TAMALIN: variants seen among roughly 807,000 people sequenced by gnomAD.
TAMALIN encodes the protein protein TAMALIN.
Under a neutral mutation model 38.5 loss-of-function variants are expected in TAMALIN, and 9 were observed. The ratio of observed to expected loss-of-function variants is 0.23; its 90% CI spans 0.14 to 0.41. TAMALIN has a LOEUF of 0.41. TAMALIN is among the 10% of genes least tolerant of loss of function. The probability of loss-of-function intolerance (pLI) is 1.00; values close to 1 mark genes in which losing one functional copy is unlikely to be tolerated. For missense variants in TAMALIN, 548 were observed against 554.1 expected, an observed-to-expected ratio of 0.99 and a Z score of 0.11; for synonymous variants, 306 against 256.5, an observed-to-expected ratio of 1.19 and a Z score of -1.85.
In TAMALIN at chr12:52,011,403, C is replaced by T. The variant is rs1565630979; in HGVS notation, c.454+262C>T. 4 of 609,894 alleles carry T rather than the reference C, an allele frequency of 6.6e-6. No homozygotes were observed. The highest frequency in any genetic ancestry group is 1.2e-5 in the Non-Finnish European group (4 of 342,834). 37.8% of individuals were successfully genotyped at this position (609,894 alleles called of 1,614,324 possible). ...GTGCGGCAAGGGGATTCCCTGGGCACACTGCCAGGGCCTAATTAATGGTGG... is the reference window on the plus strand; with the variant it reads ...GTGCGGCAAGGGGATTCCCTGGGCATACTGCCAGGGCCTAATTAATGGTGG... On this transcript the variant is annotated intron_variant, in intron 4 of 7. Transcript: ENST00000293662. The surrounding 1 kb of genome is among the most constrained non-coding windows in gnomAD (Gnocchi z 5.3).
Position 52,007,825 on chromosome 12 carries a change from G to A in TAMALIN, c.246+560G>A. 1.0e-6 allele frequency: 1 copy of A among 985,438 alleles called. No individual in the cohort carries two copies. The highest frequency in any genetic ancestry group is 1.7e-5 in the African/African-American group (1 of 57,378). The allele number at this position is 985,438 out of a possible 1,614,324, so 61.0% of individuals were successfully genotyped here. A position where few individuals can be genotyped will look rare whatever the true frequency, so the allele number is the denominator to read the frequency against. ...CCCACGTCTGACGTACGGGGCGCGA[G>A]GGCCACTGCTCCCTGGACTTCTGTC... On this transcript the variant is annotated intron_variant, in intron 1 of 7. Coordinates refer to ENST00000293662, the MANE Select transcript of TAMALIN (RefSeq NM_181711.4). This position sits in a 1 kb window ranked among gnomAD's most constrained non-coding sequence, Gnocchi z 6.7.
chr12:52,011,099 G>A lies in TAMALIN; in HGVS notation c.412G>A (p.Val138Ile). 6.2e-7 allele frequency: 1 copy of A among 1,613,028 alleles called. No homozygotes were observed. The highest frequency in any genetic ancestry group is 8.5e-7 in the Non-Finnish European group (1 of 1,180,008). Residue 138 changes from valine to isoleucine, a missense_variant, in exon 4 of 8, where the codon GTT becomes ATT. This residue lies in a region of TAMALIN where 415 missense variants were observed against 417.0 expected (regional missense o/e 1.00). Transcript: ENST00000293662. This position sits in a 1 kb window ranked among gnomAD's most constrained non-coding sequence, Gnocchi z 5.3. ...GGAAATGGTGACCTTTGTCTGCCGAGTTCATGAGTCTAGCCCTGCCCAGCT... is the reference window on the plus strand; with the variant it reads ...GGAAATGGTGACCTTTGTCTGCCGAATTCATGAGTCTAGCCCTGCCCAGCT... ...RVEMVTFVCR[V>I]HESSPAQLAG...
rs1241073986 is a variant in TAMALIN at position 52,007,786 on chromosome 12, GCC to G, written c.246+522_246+523del. 1.0e-6 allele frequency: 1 copy of G among 985,306 alleles called. No homozygotes were observed. Among genetic ancestry groups the G allele is most frequent in the Non-Finnish European group, 1.2e-6 (1 of 829,928 alleles). The allele number at this position is 985,306 out of a possible 1,614,324, so 61.0% of individuals were successfully genotyped here. A position where few individuals can be genotyped will look rare whatever the true frequency, so the allele number is the denominator to read the frequency against. Reference sequence around the variant, plus strand: ...GGACTCCCCGATTCCTGGGCTGGGGGCCTGCCGCCTGGCCCCACGTCTGACGT... The same window carrying G: ...GGACTCCCCGATTCCTGGGCTGGGGGTGCCGCCTGGCCCCACGTCTGACGT... On this transcript the variant is annotated intron_variant, in intron 1 of 7. Coordinates refer to ENST00000293662, the MANE Select transcript of TAMALIN (RefSeq NM_181711.4). The surrounding 1 kb of genome is among the most constrained non-coding windows in gnomAD (Gnocchi z 6.7).
intron 2 of TAMALIN, chr12:52,010,615 A>C: frequency 1.7e-6 from 2 of 1,187,662 alleles, no homozygotes; most frequent in South Asian, 3.2e-5. Context: ...TAAAAAACTC[A>C]GCCGGCTCAT....
chr12:52,010,341 T>G (rs1447452036), intron 2 of TAMALIN, among the ~76,000 whole-genome samples: 1 of 152,126 alleles, frequency 6.6e-6, no homozygotes. Flanking sequence ...TCCAGACCAT[T>G]GTGTCCAGCG....
rs370998187 is a variant in TAMALIN, at chr12:52,011,134, C to T, written c.447C>T (p.Leu149=). ...HESSPAQLAG[L]TPGDTIASVN... is the part of the protein sequence containing the mutation. ...CTAGCCCTGCCCAGCTGGCTGGGCTCACACCAGGTGGGGCCTGAGCCCAGG... is the reference window on the plus strand; with the variant it reads ...CTAGCCCTGCCCAGCTGGCTGGGCTTACACCAGGTGGGGCCTGAGCCCAGG... Residue 149 remains leucine, a synonymous_variant, in exon 4 of 8, where the codon CTC becomes CTT. Transcript: ENST00000293662. The surrounding 1 kb of genome is among the most constrained non-coding windows in gnomAD (Gnocchi z 5.3). The T allele has an allele frequency of 6.2e-7, 1 of 1,611,622 alleles. No individual in the cohort carries two copies. The highest frequency in any genetic ancestry group is 1.3e-5 in the African/African-American group (1 of 74,904).
intron 7 of TAMALIN, 96 bp downstream of exon 7, chr12:52,014,297 G>T (rs1319623275): frequency 1.9e-6 from 2 of 1,028,230 alleles, no homozygotes; most frequent in African/African-American, 3.2e-5. Context: ...GTAAAGAACG[G>T]TTTACTAGTA....
chr12:52,007,373 T>C lies in TAMALIN; in HGVS notation c.246+108T>C. On this transcript the variant is annotated intron_variant, in intron 1 of 7. Coordinates refer to ENST00000293662, the MANE Select transcript of TAMALIN (RefSeq NM_181711.4). This position sits in a 1 kb window ranked among gnomAD's most constrained non-coding sequence, Gnocchi z 6.7. ...CTCGGCGTCCGCGGAGTCCCCCACC[T>C]TCTTCCCCGGCCCGCTGGGTGCCTC... 7.1e-6 allele frequency: 9 copies of C among 1,272,096 alleles called. No individual in the cohort carries two copies. Among genetic ancestry groups the C allele is most frequent in the Non-Finnish European group, 8.9e-6 (9 of 1,009,518 alleles). The allele number at this position is 1,272,096 out of a possible 1,614,324, so 78.8% of individuals were successfully genotyped here.
chr12:52,009,186 C>T lies in TAMALIN; in HGVS notation c.247-4C>T. The T allele has an allele frequency of 1.2e-6, 2 of 1,614,054 alleles. No homozygotes were observed. Among genetic ancestry groups the T allele is most frequent in the East Asian group, 2.2e-5 (1 of 44,880 alleles). The stretch of plus-strand genomic sequence containing the variant: ...CTGCTCCTTCTGACCATCTTACTGC[C>T]CAGGGCTCAGGATTCCGCTGGAAGA... On this transcript the variant is annotated splice_region_variant and splice_polypyrimidine_tract_variant and intron_variant, in intron 1 of 7. Transcript: ENST00000293662.
intron 4 of TAMALIN, among the ~76,000 whole-genome samples, chr12:52,013,179 G>A (rs1424501006): frequency 6.2e-5 from 9 of 146,114 alleles, no homozygotes; most frequent in African/African-American, 1.8e-4. Context: ...CCGGGTTCAC[G>A]CCATTCTCCT....
chr12:52,015,212 G>A lies in TAMALIN; in HGVS notation c.*13G>A. ...GAGCCAGCTGTAGGGGCGGGGGCGG[G>A]CAGGGAGGTATTTATTTATTTATTC... is the stretch of plus-strand genomic sequence containing the variant. On this transcript the variant is annotated 3_prime_UTR_variant, in exon 8 of 8. Coordinates refer to ENST00000293662, the MANE Select transcript of TAMALIN (RefSeq NM_181711.4). 1 of 1,563,176 alleles carries A rather than the reference G, an allele frequency of 6.4e-7. No homozygotes were observed. The highest frequency in any genetic ancestry group is 1.8e-5 in the Admixed American group (1 of 54,824).
At chr12:52,013,422 G>A in intron 4 of TAMALIN, 7 of 457,244 alleles carry the variant, frequency 1.5e-5, no homozygotes, top group South Asian at 1.5e-4. Context: ...GGTGTGTGAG[G>A]TCCCCACCCT....
rs1942441913 is a variant in TAMALIN, at chr12:52,007,887, G to T, written c.246+622G>T. On this transcript the variant is annotated intron_variant, in intron 1 of 7. Coordinates refer to ENST00000293662, the MANE Select transcript of TAMALIN (RefSeq NM_181711.4). This position sits in a 1 kb window ranked among gnomAD's most constrained non-coding sequence, Gnocchi z 6.7. ...CAGTGGGAGGGGTCGCAGGGCGCCCGCGGGGCAGGAAGGATGCGGGCCGCG... is the reference window on the plus strand; with the variant it reads ...CAGTGGGAGGGGTCGCAGGGCGCCCTCGGGGCAGGAAGGATGCGGGCCGCG... 1.0e-6 allele frequency: 1 copy of T among 985,404 alleles called. No individual in the cohort carries two copies. Among genetic ancestry groups the T allele is most frequent in the East Asian group, 1.1e-4 (1 of 8,794 alleles). 61.0% of individuals were successfully genotyped at this position (985,404 alleles called of 1,614,324 possible).
chr12:52,008,715 G>T, intron 1 of TAMALIN: 1 of 985,406 alleles, frequency 1.0e-6, no homozygotes, highest in Non-Finnish European at 1.2e-6. Context: ...TGAGAAATTA[G>T]ATGGAGAGAC....
chr12:52,011,260 G>T lies in TAMALIN; in HGVS notation c.454+119G>T. On this transcript the variant is annotated intron_variant, in intron 4 of 7. Transcript: ENST00000293662. The surrounding 1 kb of genome is among the most constrained non-coding windows in gnomAD (Gnocchi z 5.3). ...CTCTTCCTTTTCCTTCTTTGAGAAGGCCAGAAAGAAGAATGGATAGAATCT... is the reference window on the plus strand; with the variant it reads ...CTCTTCCTTTTCCTTCTTTGAGAAGTCCAGAAAGAAGAATGGATAGAATCT... 1 of 1,537,370 alleles carries T rather than the reference G, an allele frequency of 6.5e-7. No homozygotes were observed. Among genetic ancestry groups the T allele is most frequent in the South Asian group, 1.2e-5 (1 of 86,546 alleles).
chr12:52,014,845 C>A lies in TAMALIN; in HGVS notation c.834C>A (p.Gly278=). 1 of 1,258,092 alleles carries A rather than the reference C, an allele frequency of 7.9e-7. No homozygotes were observed. The highest frequency in any genetic ancestry group is 1.0e-6 in the Non-Finnish European group (1 of 999,182). 77.9% of individuals were successfully genotyped at this position (1,258,092 alleles called of 1,614,324 possible). ...RPRGGARRAR[G]DADDAVYHTC... ...GCGGAGGCGCCCGACGGGCCAGGGG[C>A]GACGCCGACGACGCCGTCTACCACA... Residue 278 remains glycine (G), a synonymous_variant, in exon 8 of 8, where the codon GGC becomes GGA. Transcript: ENST00000293662.
At position 52,007,042 on chromosome 12, in the gene TAMALIN, A is replaced by G. The variant is rs771048643; in HGVS notation, c.23A>G (p.Lys8Arg). The G allele has an allele frequency of 1.4e-5, 20 of 1,447,304 alleles. No homozygotes were observed. In the South Asian group the frequency reaches 2.1e-4, roughly 15 times the overall value. 89.7% of individuals were successfully genotyped at this position (1,447,304 alleles called of 1,614,324 possible). Residue 8 changes from lysine to arginine, a missense_variant, in exon 1 of 8, where the codon AAG becomes AGG. Lys to Arg is a conservative substitution (Grantham distance 26). Around this residue, in one of 3 missense-constraint regions of TAMALIN, gnomAD observed 128 missense variants for 117.9 expected, o/e 1.09. Coordinates refer to ENST00000293662, the MANE Select transcript of TAMALIN (RefSeq NM_181711.4). The surrounding 1 kb of genome is among the most constrained non-coding windows in gnomAD (Gnocchi z 6.7). MTLRRLR[K>R]LQQKEEAAAT... ...GCCATGACCCTCCGCCGACTCAGGA[A>G]GCTGCAGCAGAAGGAGGAGGCGGCG...
In TAMALIN at chr12:52,007,062, G is replaced by A. The variant is rs540848553; in HGVS notation, c.43G>A (p.Ala15Thr). 12 of 1,459,086 alleles carry A rather than the reference G, an allele frequency of 8.2e-6. No individual in the cohort carries two copies. The East Asian group carries it at 1.2e-4, about 15-fold the overall frequency. 90.4% of individuals were successfully genotyped at this position (1,459,086 alleles called of 1,614,324 possible). A position where few individuals can be genotyped will look rare whatever the true frequency, so the allele number is the denominator to read the frequency against. The change falls in exon 1 of 8, where the codon GCG (alanine) becomes ACG (threonine). Residue 15 changes from alanine to threonine, a missense_variant. By Grantham distance (58) the Ala-to-Thr change is moderately conservative. Around this residue, in one of 3 missense-constraint regions of TAMALIN, gnomAD observed 128 missense variants for 117.9 expected, o/e 1.09. Transcript: ENST00000293662. This position sits in a 1 kb window ranked among gnomAD's most constrained non-coding sequence, Gnocchi z 6.7. ...CAGGAAGCTGCAGCAGAAGGAGGAG[G>A]CGGCGGCCACCCCGGACCCCGCCGC... ...RLRKLQQKEE[A>T]AATPDPAART...
chr12:52,010,888 C>G lies in TAMALIN; in HGVS notation c.304C>G (p.Leu102Val). 1 of 1,614,096 alleles carries G rather than the reference C, an allele frequency of 6.2e-7. No homozygotes were observed. Among genetic ancestry groups the G allele is most frequent in the Admixed American group, 1.7e-5 (1 of 60,026 alleles). The change falls in exon 3 of 8, where the codon CTG becomes GTG. Residue 102 changes from leucine to valine, a missense_variant. This residue lies in a region of TAMALIN where 415 missense variants were observed against 417.0 expected (regional missense o/e 1.00). Coordinates refer to ENST00000293662, the MANE Select transcript of TAMALIN (RefSeq NM_181711.4). ...CCCCTGTGTCTCTTGCAGGAAAGTG[C>G]TGACGTTGGAGAAGGAGGATAACCA... ...SQSPEQQRKV[L>V]TLEKEDNQTF...
Sources: allele counts gnomAD v4.1 joint callset (sites outside exome capture counted in the v4.1 genomes callset), GRCh38; gene constraint gnomAD v4.1.1; regional missense constraint gnomAD v4.1.1; non-coding constraint Gnocchi (gnomAD v3.1); transcripts MANE v1.5; gene names NCBI Gene and HGNC (gene_info 2026-07-23, HGNC 2026-07-21).